PCDH15: variants seen among roughly 807,000 people sequenced by gnomAD.
The protein encoded by PCDH15 is protocadherin-15.
In PCDH15, 129 loss-of-function variants were observed where a neutral mutation model predicts 178.5. The observed-to-expected ratio is 0.72, with a 90% CI of 0.63 to 0.84. The LOEUF is 0.84. Among genes scored for constraint, PCDH15 ranks in the 40% least tolerant of loss-of-function variants. The pLI is 0.00. For synonymous variants in PCDH15, 800 were observed against 732.0 expected (o/e 1.09, Z -1.50); for missense variants, 2,230 against 2,099.9 (o/e 1.06, Z -1.21).
At chr10:54,177,230 A>C (rs1443194083) in intron 13 of PCDH15, among the ~76,000 whole-genome samples, 2 of 152,206 alleles carry the variant, frequency 1.3e-5, no homozygotes, top group East Asian at 3.9e-4. Context: ...AAAAGGCAAA[A>C]TCATGGAGAC....
intron 2 of PCDH15, among the ~76,000 whole-genome samples, chr10:55,110,155 G>A (rs185770546): frequency 6.6e-6 from 1 of 151,878 alleles, no homozygotes; most frequent in Non-Finnish European, 1.5e-5. Context: ...ATTTCTTAAA[G>A]AGCCAATAAG....
intron 2 of PCDH15, among the ~76,000 whole-genome samples, chr10:55,543,581 G>T: frequency 6.6e-6 from 1 of 151,074 alleles, no homozygotes; most frequent in East Asian, 1.9e-4. Flanking sequence ...GGCATTTAGA[G>T]AGATCAAATC....
chr10:54,817,300 A>G (rs1454181707), intron 3 of PCDH15, among the ~76,000 whole-genome samples: 2 of 152,018 alleles, frequency 1.3e-5, no homozygotes, highest in African/African-American at 4.8e-5. Context: ...AAAACTTGCC[A>G]TGAATCCTTA....
intron 23 of PCDH15, among the ~76,000 whole-genome samples, chr10:53,945,047 C>T (rs112994035): frequency 0.025 from 3,810 of 152,148 alleles, 72 homozygotes; most frequent in Middle Eastern, 0.054. Flanking sequence ...AAATAGAATC[C>T]GAAATAATAT....
At chr10:53,815,417 T>C (rs1481500576) in intron 35 of PCDH15, among the ~76,000 whole-genome samples, 2 of 152,198 alleles carry the variant, frequency 1.3e-5, no homozygotes, top group Non-Finnish European at 2.9e-5. Flanking sequence ...ACTAAGGTCT[T>C]GCATAAAGTC....
chr10:55,439,869 A>G (rs1839138407), intron 2 of PCDH15, among the ~76,000 whole-genome samples: 1 of 152,186 alleles, frequency 6.6e-6, no homozygotes, highest in Admixed American at 6.5e-5. Context: ...AATTTCCCAA[A>G]GAAAAAAGTA....
intron 2 of PCDH15, among the ~76,000 whole-genome samples, chr10:55,536,050 G>C (rs943763714): frequency 6.6e-6 from 1 of 151,762 alleles, no homozygotes; most frequent in Non-Finnish European, 1.5e-5. Context: ...TCATCAACAT[G>C]GTATATAGCA....
chr10:53,833,436 G>A (rs1299801885), intron 29 of PCDH15, among the ~76,000 whole-genome samples: 1 of 152,006 alleles, frequency 6.6e-6, no homozygotes, highest in African/African-American at 2.4e-5. Flanking sequence ...TTTACTTTGT[G>A]TATTTAAAAC....
At chr10:54,822,412 T>A (rs55930297) in intron 3 of PCDH15, among the ~76,000 whole-genome samples, 1 of 152,080 alleles carries the variant, frequency 6.6e-6, no homozygotes, top group Middle Eastern at 3.2e-3. Context: ...TCTCGCTTAT[T>A]TCACTTAGCA....
At chr10:53,810,694 T>C in intron 36 of PCDH15, 30 bp from the exon 37 acceptor site, 1 of 1,570,990 alleles carries the variant, frequency 6.4e-7, no homozygotes, top group Non-Finnish European at 8.8e-7. Context: ...CTTTAAACAG[T>C]TTGTCATGTG....
At chr10:55,369,206 G>A (rs1299119303) in intron 2 of PCDH15, among the ~76,000 whole-genome samples, 1 of 151,890 alleles carries the variant, frequency 6.6e-6, no homozygotes, top group Non-Finnish European at 1.5e-5. Context: ...ACTGCCTAGA[G>A]TTCTCAGTAG....
intron 2 of PCDH15, among the ~76,000 whole-genome samples, chr10:55,066,524 A>G: frequency 6.7e-6 from 1 of 149,226 alleles, no homozygotes; most frequent in Non-Finnish European, 1.5e-5. Context: ...AAATTACATG[A>G]GGCTTTTATT....
At chr10:55,496,128 C>G (rs940171156) in intron 2 of PCDH15, among the ~76,000 whole-genome samples, 2 of 151,652 alleles carry the variant, frequency 1.3e-5, no homozygotes, top group African/African-American at 4.8e-5. Context: ...CGTGAACTTA[C>G]TAAAAACTTT....
In PCDH15 at chr10:54,020,282, G is replaced by C; in HGVS notation, c.2661C>G (p.Asp887Glu). 1 of 1,613,710 alleles carries C rather than the reference G, an allele frequency of 6.2e-7. No homozygotes were observed. Among genetic ancestry groups the C allele is most frequent in the South Asian group, 1.1e-5 (1 of 91,072 alleles). ...LRSLDYEAFP[D>E]QEASITFLVE... is the part of the protein sequence containing the mutation. The stretch of plus-strand genomic sequence containing the variant: ...CCAGAAAAGTGATACTTGCTTCTTG[G>C]TCTGGAAATGCCTCATAATCTAAAC... Residue 887 changes from aspartate to glutamate, a missense_variant, in exon 20 of 38, where the codon GAC becomes GAG. Coordinates refer to ENST00000644397, the MANE Select transcript of PCDH15 (RefSeq NM_001384140.1).
At chr10:54,903,885 A>C (rs1171308445) in intron 2 of PCDH15, among the ~76,000 whole-genome samples, 1 of 152,118 alleles carries the variant, frequency 6.6e-6, no homozygotes, top group Non-Finnish European at 1.5e-5. Flanking sequence ...TCCCTCCCAC[A>C]ACAATAAAAC....
At chr10:55,123,071 A>G (rs1167201038) in intron 2 of PCDH15, among the ~76,000 whole-genome samples, 1 of 152,090 alleles carries the variant, frequency 6.6e-6, no homozygotes, top group African/African-American at 2.4e-5. Flanking sequence ...AAAAGGTAGG[A>G]TATCTATCTC....
intron 21 of PCDH15, among the ~76,000 whole-genome samples, chr10:53,982,652 A>G: frequency 8.2e-6 from 1 of 121,412 alleles, no homozygotes; most frequent in African/African-American, 3.2e-5. Context: ...GGGGAACATC[A>G]CACTCTGGGG....
chr10:55,456,476 T>C (rs1005585159), intron 2 of PCDH15, among the ~76,000 whole-genome samples: 3 of 152,100 alleles, frequency 2.0e-5, no homozygotes, highest in African/African-American at 7.2e-5. Context: ...AATGCAACTG[T>C]TGAATTCACC....
chr10:53,823,437 C>T (rs764907011), intron 32 of PCDH15: 2 of 1,300,640 alleles, frequency 1.5e-6, no homozygotes, highest in African/African-American at 1.5e-5. Flanking sequence ...TTTTATGGCT[C>T]TCATTACTAT....
Sources: gnomAD v4.1 joint callset for allele counts (sites outside exome capture counted in the v4.1 genomes callset) on GRCh38, gnomAD v4.1.1 for gene constraint, MANE v1.5 for transcripts, NCBI Gene and HGNC (gene_info 2026-07-23, HGNC 2026-07-21) for gene names.